GPC5: variants seen among roughly 807,000 people sequenced by gnomAD.
GPC5 encodes glypican-5.
In GPC5, 47 loss-of-function variants were observed where a neutral mutation model predicts 53.9. That is an observed-to-expected ratio of 0.87 (90% CI 0.69 to 1.11). The LOEUF (loss-of-function observed/expected upper bound fraction) is 1.11. Ranked by LOEUF, GPC5 falls within the 50% of genes most tolerant of loss-of-function variation. The pLI, the probability that GPC5 is intolerant of heterozygous loss-of-function variation, is 0.00. For synonymous variants in GPC5, 286 were observed against 263.3 expected, an observed-to-expected ratio of 1.09 and a Z score of -0.84; for missense variants, 748 against 713.1, an observed-to-expected ratio of 1.05 and a Z score of -0.56.
At chr13:91,908,739 T>C (rs2039580583) in intron 6 of GPC5, among the ~76,000 whole-genome samples, 1 of 152,130 alleles carries the variant, frequency 6.6e-6, no homozygotes. Flanking sequence ...CCATTCTGCA[T>C]CTATTGATGT....
chr13:92,302,200 A>C (rs879612180), intron 7 of GPC5, among the ~76,000 whole-genome samples: 1 of 152,090 alleles, frequency 6.6e-6, no homozygotes, highest in Non-Finnish European at 1.5e-5. Context: ...GGTTTTTTGC[A>C]CTTTAATTAA....
intron 7 of GPC5, among the ~76,000 whole-genome samples, chr13:92,702,466 C>T (rs1594433920): frequency 6.6e-6 from 1 of 152,048 alleles, no homozygotes; most frequent in East Asian, 1.9e-4. Context: ...TAATTCTGTT[C>T]TTCTTGATAT....
intron 7 of GPC5, among the ~76,000 whole-genome samples, chr13:92,404,473 A>G (rs1875705599): frequency 6.6e-6 from 1 of 152,238 alleles, no homozygotes; most frequent in African/African-American, 2.4e-5. Context: ...AAAGCAAGAT[A>G]ATTGAACTCT....
intron 7 of GPC5, among the ~76,000 whole-genome samples, chr13:92,442,352 T>C (rs942861891): frequency 6.6e-6 from 1 of 152,106 alleles, no homozygotes; most frequent in Admixed American, 6.5e-5. Context: ...CTTGAGTGGA[T>C]ACAAAAATAT....
intron 7 of GPC5, among the ~76,000 whole-genome samples, chr13:92,539,188 G>T (rs945963967): frequency 6.6e-6 from 1 of 151,256 alleles, no homozygotes; most frequent in African/African-American, 2.4e-5. Context: ...TATATACTCA[G>T]TAATGGGATC....
intron 7 of GPC5, among the ~76,000 whole-genome samples, chr13:92,281,523 C>T (rs948874727): frequency 5.3e-5 from 8 of 152,144 alleles, no homozygotes; most frequent in South Asian, 2.1e-4. Context: ...ACACCTCACA[C>T]GGCTGGGTAC....
intron 7 of GPC5, among the ~76,000 whole-genome samples, chr13:92,152,423 C>T (rs550730306): frequency 6.6e-6 from 1 of 152,134 alleles, no homozygotes; most frequent in East Asian, 1.9e-4. Flanking sequence ...GTCAGCATTC[C>T]AAGAGTGTCT....
chr13:91,435,109 G>A (rs1448408157), intron 1 of GPC5, among the ~76,000 whole-genome samples: 1 of 152,156 alleles, frequency 6.6e-6, no homozygotes, highest in Non-Finnish European at 1.5e-5. Flanking sequence ...GGGTTTTCTA[G>A]ATATACAATC....
intron 7 of GPC5, among the ~76,000 whole-genome samples, chr13:92,385,381 C>CATATATACATATATACATATATAT (rs2043786452): frequency 2.2e-5 from 2 of 92,994 alleles, no homozygotes; most frequent in Non-Finnish European, 4.2e-5. Flanking sequence ...TACATATATA[C>CATATATACATATATACATATATAT]ATATATATAC....
At chr13:92,641,926 G>A (rs1365478924) in intron 7 of GPC5, among the ~76,000 whole-genome samples, 1 of 151,962 alleles carries the variant, frequency 6.6e-6, no homozygotes, top group Non-Finnish European at 1.5e-5. Context: ...CATGACTCCT[G>A]ATCAATCAGA....
intron 5 of GPC5, among the ~76,000 whole-genome samples, chr13:91,781,655 A>C (rs1270664579): frequency 6.6e-6 from 1 of 152,218 alleles, no homozygotes; most frequent in Non-Finnish European, 1.5e-5. Context: ...TACCAACCGC[A>C]TGAAATAGGC....
At chr13:92,267,603 C>T (rs2042811375) in intron 7 of GPC5, among the ~76,000 whole-genome samples, 1 of 152,040 alleles carries the variant, frequency 6.6e-6, no homozygotes, top group African/African-American at 2.4e-5. Context: ...TCACATTCTT[C>T]TTAATTTCAT....
chr13:92,145,205 G>GA (rs915015631), intron 7 of GPC5, among the ~76,000 whole-genome samples: 43 of 150,866 alleles, frequency 2.9e-4, no homozygotes, highest in African/African-American at 9.2e-4. Flanking sequence ...AGTTTTCTGT[G>GA]AAAAAAAACT....
In GPC5 at chr13:92,079,168, C is replaced by T. The variant is rs148305283; in HGVS notation, c.1402-65662C>T. Among the ~76,000 whole-genome samples, 787 of 152,290 alleles carry T rather than the reference C, an allele frequency of 5.2e-3. 11 individuals carry two copies. Among genetic ancestry groups the T allele is most frequent in the African/African-American group, 0.018 (751 of 41,564 alleles). On this transcript the variant is annotated intron_variant, in intron 6 of 7. Transcript: ENST00000377067. The stretch of plus-strand genomic sequence containing the variant: ...CTGGTTTCAAGCAATTCTCCTGCCT[C>T]AGTCTCCTTAGTAGTTGGGATTACA...
chr13:92,052,255 T>C (rs1270175972), intron 6 of GPC5, among the ~76,000 whole-genome samples: 1 of 152,204 alleles, frequency 6.6e-6, no homozygotes, highest in Non-Finnish European at 1.5e-5. Context: ...TTGCCTGTAG[T>C]GTGCCCGGGG....
rs202100138 is a variant in GPC5 at position 92,791,878 on chromosome 13, A to G, written c.1562-74404A>G. ...TATAACATAAAATTTGTCATTTAACAATTTTAAGTGCACAATTTAGTGGCA... is the reference window on the plus strand; with the variant it reads ...TATAACATAAAATTTGTCATTTAACGATTTTAAGTGCACAATTTAGTGGCA... On this transcript the variant is annotated intron_variant, in intron 7 of 7. Coordinates refer to ENST00000377067, the MANE Select transcript of GPC5 (RefSeq NM_004466.6). Among the ~76,000 whole-genome samples the G allele has an allele frequency of 2.2e-4, 34 of 152,224 alleles. No homozygotes were observed. In the East Asian group the frequency reaches 4.5e-3, roughly 20 times the overall value.
chr13:92,543,271 G>C (rs901407686), intron 7 of GPC5, among the ~76,000 whole-genome samples: 1 of 151,694 alleles, frequency 6.6e-6, no homozygotes, highest in Non-Finnish European at 1.5e-5. Flanking sequence ...GTTCTCAATT[G>C]TGTGTTTTAT....
rs985544268 is a variant in GPC5, at chr13:92,591,826, A to G, written c.1562-274456A>G. On this transcript the variant is annotated intron_variant, in intron 7 of 7. Coordinates refer to ENST00000377067, the MANE Select transcript of GPC5 (RefSeq NM_004466.6). ...TGAGATCAACTTTTTCAGATTCTAT[A>G]TGAGTGAGATCTTTGTCTTAGGCAG... is the stretch of plus-strand genomic sequence containing the variant. Among the ~76,000 whole-genome samples, 13 of 152,178 alleles carry G rather than the reference A, an allele frequency of 8.5e-5. 1 individual carries two copies. The highest frequency in any genetic ancestry group is 2.0e-4 in the Admixed American group (3 of 15,272).
At position 92,287,843 on chromosome 13, in the gene GPC5, T is replaced by C. The variant is rs193241915; in HGVS notation, c.1561+142854T>C. On this transcript the variant is annotated intron_variant, in intron 7 of 7. Coordinates refer to ENST00000377067, the MANE Select transcript of GPC5 (RefSeq NM_004466.6). ...ACTTGTTAGCCTGTATTTCTTTAAG[T>C]ATTTTTTTCAGCTCCTTTTTCTCTT... Among the ~76,000 whole-genome samples, 189 of 152,290 alleles carry C rather than the reference T, an allele frequency of 1.2e-3. 2 individuals are homozygous for C. The highest frequency in any genetic ancestry group is 4.2e-3 in the African/African-American group (175 of 41,580).
Sources: allele counts gnomAD v4.1 joint callset (sites outside exome capture counted in the v4.1 genomes callset), GRCh38; gene constraint gnomAD v4.1.1; transcripts MANE v1.5; gene names NCBI Gene and HGNC (gene_info 2026-07-23, HGNC 2026-07-21).